Variants in MMUT observed in about 807,000 individuals in gnomAD.
MMUT encodes the protein methylmalonyl-CoA mutase.
Under a neutral mutation model 79.9 loss-of-function variants are expected in MMUT, and 79 were observed. The observed-to-expected ratio is 0.99, with a 90% CI of 0.82 to 1.19. The LOEUF is 1.19. Among genes scored for constraint, MMUT ranks in the 50% most tolerant of loss-of-function variants. The probability of loss-of-function intolerance (pLI) is 0.00; values close to 1 mark genes in which losing one functional copy is unlikely to be tolerated. For missense variants in MMUT, 860 were observed against 917.2 expected, an observed-to-expected ratio of 0.94 and a Z score of 0.81; for synonymous variants, 273 against 295.7, an observed-to-expected ratio of 0.92 and a Z score of 0.79.
chr6:49,452,461 TA>T (rs1369811304), intron 5 of MMUT, among the ~76,000 whole-genome samples: 1 of 152,114 alleles, frequency 6.6e-6, no homozygotes, highest in East Asian at 1.9e-4. Flanking sequence ...GCCTCCTGAG[TA>T]GCTGGGACTA....
intron 4 of MMUT, among the ~76,000 whole-genome samples, chr6:49,455,728 C>T (rs940104298): frequency 6.6e-6 from 1 of 150,620 alleles, no homozygotes; most frequent in Non-Finnish European, 1.5e-5. Context: ...GATAGTGCAA[C>T]AGAAAAAAAA....
intron 7 of MMUT, 23 bp downstream of exon 7, chr6:49,448,793 T>C (rs1162296487): frequency 2.0e-6 from 3 of 1,530,790 alleles, no homozygotes; most frequent in Non-Finnish European, 1.8e-6. Flanking sequence ...GGATTTCATA[T>C]ATGAACTTTC....
intron 8 of MMUT, 32 bp downstream of exon 8, chr6:49,447,638 T>TAAAAA (rs56408395): frequency 7.4e-6 from 8 of 1,074,936 alleles, no homozygotes; most frequent in Admixed American, 1.9e-5. Context: ...AGAAAATACT[T>TAAAAA]AAAAAAAAAA....
chr6:49,434,803 A>G (rs1054538029), intron 12 of MMUT, among the ~76,000 whole-genome samples: 1 of 152,108 alleles, frequency 6.6e-6, no homozygotes, highest in Non-Finnish European at 1.5e-5. Flanking sequence ...CCTCCTCCCC[A>G]TTCAGCCTAT....
chr6:49,436,604 CA>C lies in MMUT; in HGVS notation c.1957-982del, dbSNP rs35151510. Among the ~76,000 whole-genome samples, 31,530 of 110,846 alleles carry C rather than the reference CA, an allele frequency of 0.28. 3,279 individuals are homozygous for C. The highest frequency in any genetic ancestry group is 0.38 in the Middle Eastern group (72 of 192). 72.7% of individuals were successfully genotyped at this position (110,846 alleles called of 152,430 possible). A position where few individuals can be genotyped will look rare whatever the true frequency, so the allele number is the denominator to read the frequency against. ...TGGATGAAAGAGCGAGACTCTGTTT[CA>C]AAAAAAAAAAAAAAAATACACATTC... is the stretch of plus-strand genomic sequence containing the variant. On this transcript the variant is annotated intron_variant, in intron 11 of 12. Coordinates refer to ENST00000274813, the MANE Select transcript of MMUT (RefSeq NM_000255.4).
intron 8 of MMUT, 136 bp from the exon 9 acceptor site, chr6:49,444,890 A>G: frequency 1.6e-6 from 1 of 619,040 alleles, no homozygotes; most frequent in Non-Finnish European, 2.9e-6. Flanking sequence ...GAAAAAATTG[A>G]AAAGAATAAT....
At chr6:49,444,828 G>A in intron 8 of MMUT, 74 bp from the exon 9 acceptor site, 1 of 1,153,382 alleles carries the variant, frequency 8.7e-7, no homozygotes, top group East Asian at 2.4e-5. Context: ...ATTAGACCCT[G>A]ATGCATAGCA....
chr6:49,452,207 A>G (rs1767572488), intron 5 of MMUT, among the ~76,000 whole-genome samples: 1 of 152,216 alleles, frequency 6.6e-6, no homozygotes, highest in Non-Finnish European at 1.5e-5. Flanking sequence ...AAGTCATTGG[A>G]TCTCTCTGAA....
chr6:49,453,039 G>GTTTTTT (rs5876116), intron 5 of MMUT, among the ~76,000 whole-genome samples: 1 of 116,192 alleles, frequency 8.6e-6, no homozygotes, highest in Non-Finnish European at 1.8e-5. Context: ...TTCTTTCTTT[G>GTTTTTT]TTTTTTTTTT....
chr6:49,454,595 AC>A (rs1767641212), intron 4 of MMUT, among the ~76,000 whole-genome samples: 1 of 152,246 alleles, frequency 6.6e-6, no homozygotes, highest in Non-Finnish European at 1.5e-5. Flanking sequence ...GGCATGAGCC[AC>A]CACACCCAGC....
chr6:49,432,331 C>CT (rs1561949165), intron 12 of MMUT, among the ~76,000 whole-genome samples: 9 of 130,788 alleles, frequency 6.9e-5, no homozygotes, highest in African/African-American at 2.3e-4. Flanking sequence ...AAAATAAGCC[C>CT]ATTTTTTTTT....
chr6:49,453,897 C>A (rs929707074), intron 4 of MMUT, 141 bp from the exon 5 acceptor site: 5 of 661,048 alleles, frequency 7.6e-6, no homozygotes, highest in Admixed American at 2.9e-5. Flanking sequence ...GATCAGTGCA[C>A]GTACATTTAT....
intron 2 of MMUT, among the ~76,000 whole-genome samples, chr6:49,458,799 G>A (rs1008429569): frequency 6.6e-6 from 1 of 152,036 alleles, no homozygotes; most frequent in Non-Finnish European, 1.5e-5. Flanking sequence ...AACATTTTTC[G>A]AAGGCAAAGC....
At chr6:49,437,778 G>A (rs1030357949) in intron 11 of MMUT, among the ~76,000 whole-genome samples, 2 of 151,604 alleles carry the variant, frequency 1.3e-5, no homozygotes, top group Non-Finnish European at 2.9e-5. Context: ...TTTCTTCACC[G>A]TACTGCTTGA....
Position 49,459,522 on chromosome 6 carries a change from A to G in MMUT, c.-39-17T>C, listed in dbSNP as rs986100821. 3.2e-6 allele frequency: 5 copies of G among 1,580,708 alleles called. No individual in the cohort carries two copies. The African/African-American group carries it at 6.8e-5, about 21-fold the overall frequency. Reference sequence around the variant, plus strand: ...AGAACTGACCTAGAAAAAGAAACATAGAGTAAAAACATTTAGAAGAGGGGG... The same window carrying G: ...AGAACTGACCTAGAAAAAGAAACATGGAGTAAAAACATTTAGAAGAGGGGG... On this transcript the variant is annotated splice_polypyrimidine_tract_variant and intron_variant, in intron 1 of 12. Transcript: ENST00000274813.
chr6:49,433,446 A>G (rs2127412589), intron 12 of MMUT, among the ~76,000 whole-genome samples: 1 of 152,268 alleles, frequency 6.6e-6, no homozygotes, highest in African/African-American at 2.4e-5. Context: ...TTTTTGTACT[A>G]TTTTTATTTT....
chr6:49,441,577 T>C (rs1767274459), intron 10 of MMUT, among the ~76,000 whole-genome samples: 1 of 149,948 alleles, frequency 6.7e-6, no homozygotes, highest in Non-Finnish European at 1.5e-5. Flanking sequence ...AATATTATCA[T>C]GTACCTATTA....
In MMUT at chr6:49,459,819, C is replaced by A. The variant is rs75982747; in HGVS notation, c.-39-314G>T. ...AATGTAAATATGACTATGTCACACT[C>A]CTCATGGAATTTTTCAAAGACTCTG... On this transcript the variant is annotated intron_variant, in intron 1 of 12. Transcript: ENST00000274813. 8.3e-3 allele frequency among the ~76,000 whole-genome samples: 1,261 copies of A among 152,252 alleles called. 10 individuals are homozygous for A. The highest frequency in any genetic ancestry group is 0.018 in the South Asian group (85 of 4,810).
chr6:49,458,313 A>G (rs1336549973), intron 2 of MMUT, among the ~76,000 whole-genome samples: 12 of 152,210 alleles, frequency 7.9e-5, no homozygotes, highest in African/African-American at 2.9e-4. Flanking sequence ...GGGAGAAACA[A>G]CAAATCTCAA....
Sources: allele counts gnomAD v4.1 joint callset (sites outside exome capture counted in the v4.1 genomes callset), GRCh38; gene constraint gnomAD v4.1.1; transcripts MANE v1.5; gene names NCBI Gene and HGNC (gene_info 2026-07-23, HGNC 2026-07-21).